PRKG1: variants seen among roughly 807,000 people sequenced by gnomAD.
The protein encoded by PRKG1 is protein kinase cGMP-dependent 1.
A neutral mutation model predicts 88.1 loss-of-function variants in PRKG1; 35 were observed. The ratio of observed to expected loss-of-function variants is 0.40; its 90% confidence interval spans 0.30 to 0.53. The LOEUF (loss-of-function observed/expected upper bound fraction) is 0.53. Ranked by LOEUF, PRKG1 falls within the 20% of genes least tolerant of loss-of-function variation. The pLI is 0.59. For synonymous variants in PRKG1, 303 were observed against 292.5 expected (o/e 1.04, Z -0.37); for missense variants, 540 against 839.8 (o/e 0.64, Z 4.41).
At chr10:51,381,485 G>A (rs1002827620) in intron 2 of PRKG1, among the ~76,000 whole-genome samples, 1 of 151,826 alleles carries the variant, frequency 6.6e-6, no homozygotes, top group Non-Finnish European at 1.5e-5. Flanking sequence ...GAGCTTAGTT[G>A]CTAAATGAGT....
chr10:51,731,015 G>A (rs188612426), intron 3 of PRKG1, among the ~76,000 whole-genome samples: 67 of 152,218 alleles, frequency 4.4e-4, no homozygotes, highest in Admixed American at 4.1e-3. Context: ...AATTAGCCGA[G>A]TGTGGTGGTG....
At chr10:51,716,189 A>G (rs1841881189) in intron 3 of PRKG1, among the ~76,000 whole-genome samples, 1 of 152,092 alleles carries the variant, frequency 6.6e-6, no homozygotes, top group African/African-American at 2.4e-5. Flanking sequence ...TCTTGTGGGG[A>G]GTGGGAGAGA....
intron 1 of PRKG1, among the ~76,000 whole-genome samples, chr10:51,012,123 G>A (rs1323862862): frequency 6.6e-6 from 1 of 152,174 alleles, no homozygotes; most frequent in East Asian, 1.9e-4. Flanking sequence ...AGATGAGATT[G>A]GGGTAGGAAC....
chr10:52,054,849 T>A (rs1434174267), intron 6 of PRKG1, among the ~76,000 whole-genome samples: 1 of 152,126 alleles, frequency 6.6e-6, no homozygotes, highest in Non-Finnish European at 1.5e-5. Flanking sequence ...AATAAAAAAA[T>A]ACCGGCTGGA....
At chr10:51,536,150 T>C (rs1441729577) in intron 3 of PRKG1, among the ~76,000 whole-genome samples, 1 of 152,164 alleles carries the variant, frequency 6.6e-6, no homozygotes, top group African/African-American at 2.4e-5. Context: ...GAAAGAATCA[T>C]AAAAAGAAGT....
At chr10:51,167,076 G>A (rs1464916979) in intron 2 of PRKG1, among the ~76,000 whole-genome samples, 5 of 152,140 alleles carry the variant, frequency 3.3e-5, no homozygotes, top group Non-Finnish European at 7.4e-5. Context: ...CTCTTCTAGA[G>A]CTCACATTCT....
At chr10:51,218,528 TATAA>T (rs199737776) in intron 2 of PRKG1, among the ~76,000 whole-genome samples, 10,777 of 81,814 alleles carry the variant, frequency 0.13, 1,185 homozygotes, top group African/African-American at 0.29. Flanking sequence ...TATATATATA[TATAA>T]AATGTGTGTA....
chr10:51,783,864 T>G (rs1359962332), intron 3 of PRKG1, among the ~76,000 whole-genome samples: 1 of 152,152 alleles, frequency 6.6e-6, no homozygotes, highest in Non-Finnish European at 1.5e-5. Flanking sequence ...TTTATAAATG[T>G]ATAGGAAAGT....
chr10:51,334,690 C>T (rs986685372), intron 2 of PRKG1, among the ~76,000 whole-genome samples: 7 of 152,172 alleles, frequency 4.6e-5, no homozygotes, highest in Non-Finnish European at 1.0e-4. Context: ...TATGAACTCC[C>T]ACCCATTTCT....
chr10:51,350,953 C>A (rs552787428), intron 2 of PRKG1, among the ~76,000 whole-genome samples: 6 of 152,156 alleles, frequency 3.9e-5, no homozygotes, highest in South Asian at 2.1e-4. Context: ...GTGTGATGTT[C>A]CCCTCCCTGT....
intron 3 of PRKG1, among the ~76,000 whole-genome samples, chr10:51,567,555 G>A (rs905158671): frequency 2.0e-5 from 3 of 152,062 alleles, no homozygotes; most frequent in African/African-American, 7.2e-5. Context: ...AGCCAGATAT[G>A]GTGCAAAATG....
At chr10:51,111,959 T>C (rs1589160739) in intron 1 of PRKG1, among the ~76,000 whole-genome samples, 1 of 152,200 alleles carries the variant, frequency 6.6e-6, no homozygotes, top group South Asian at 2.1e-4. Context: ...GCCATGCTAC[T>C]ATGCACCACC....
intron 3 of PRKG1, among the ~76,000 whole-genome samples, chr10:51,564,620 G>C (rs1046980015): frequency 6.6e-6 from 1 of 152,028 alleles, no homozygotes; most frequent in African/African-American, 2.4e-5. Context: ...TCAATAGTAG[G>C]CTTCAAGATA....
intron 3 of PRKG1, among the ~76,000 whole-genome samples, chr10:51,637,056 C>G (rs530110693): frequency 4.0e-4 from 61 of 152,086 alleles, no homozygotes; most frequent in Non-Finnish European, 8.4e-4. Context: ...TTCTAAAAAC[C>G]TTCTCCATAA....
chr10:51,679,704 C>CCTT (rs1487632731), intron 3 of PRKG1, among the ~76,000 whole-genome samples: 1 of 109,602 alleles, frequency 9.1e-6, no homozygotes, highest in African/African-American at 3.7e-5. Flanking sequence ...GGGCAGGGAA[C>CCTT]TTTTTTTTTT....
intron 2 of PRKG1, among the ~76,000 whole-genome samples, chr10:51,253,682 G>T (rs1421923980): frequency 6.6e-6 from 1 of 151,854 alleles, no homozygotes; most frequent in Non-Finnish European, 1.5e-5. Flanking sequence ...CACTTTGAAG[G>T]CTTCAGAACC....
At chr10:51,704,148 A>AG (rs1841543212) in intron 3 of PRKG1, among the ~76,000 whole-genome samples, 1 of 150,710 alleles carries the variant, frequency 6.6e-6, no homozygotes, top group South Asian at 2.1e-4. Context: ...TCTCAAAAAA[A>AG]AAAAAAAAAA....
chr10:51,577,427 T>C (rs1364040976), intron 3 of PRKG1, among the ~76,000 whole-genome samples: 1 of 152,046 alleles, frequency 6.6e-6, no homozygotes, highest in African/African-American at 2.4e-5. Context: ...ATACTAATGT[T>C]GTATAGTCTT....
intron 1 of PRKG1, among the ~76,000 whole-genome samples, chr10:51,055,208 C>G (rs1280085976): frequency 1.3e-5 from 2 of 152,060 alleles, no homozygotes; most frequent in Non-Finnish European, 2.9e-5. Context: ...CATCAGTGTT[C>G]AATGGCAGGG....
Sources: gnomAD v4.1 joint callset for allele counts (sites outside exome capture counted in the v4.1 genomes callset) on GRCh38, gnomAD v4.1.1 for gene constraint, MANE v1.5 for transcripts, NCBI Gene and HGNC (gene_info 2026-07-23, HGNC 2026-07-21) for gene names.